FARS2: variants seen among roughly 807,000 people sequenced by gnomAD.
FARS2 encodes phenylalanyl-tRNA synthetase 2, mitochondrial, also known as phenylalanine--tRNA ligase, mitochondrial.
In FARS2, 40 loss-of-function variants were observed where a neutral mutation model predicts 46.4. The observed-to-expected ratio is 0.86, with a 90% CI of 0.67 to 1.12. The LOEUF is 1.12. FARS2 is among the 50% of genes most tolerant of loss of function. The probability of loss-of-function intolerance (pLI) is 0.00; values close to 1 mark genes in which losing one functional copy is unlikely to be tolerated. For synonymous variants in FARS2, 234 were observed against 214.9 expected (o/e 1.09, Z -0.78); for missense variants, 513 against 567.9 (o/e 0.90, Z 0.98).
chr6:5,428,850 C>A (rs1248808706), intron 3 of FARS2, among the ~76,000 whole-genome samples: 1 of 152,150 alleles, frequency 6.6e-6, no homozygotes, highest in East Asian at 1.9e-4. Context: ...TGCAACAAGA[C>A]CAGCTTTTTT....
intron 6 of FARS2, among the ~76,000 whole-genome samples, chr6:5,704,893 T>C (rs1758648958): frequency 6.6e-6 from 1 of 152,236 alleles, no homozygotes. Context: ...CATTTGTAAA[T>C]GCAGATGATA....
chr6:5,391,654 C>T (rs566883142), intron 2 of FARS2, among the ~76,000 whole-genome samples: 98 of 152,162 alleles, frequency 6.4e-4, no homozygotes, highest in African/African-American at 2.3e-3. Context: ...AATCTACTAT[C>T]ATCCAAGCCT....
chr6:5,766,546 T>C (rs946003354), intron 6 of FARS2, among the ~76,000 whole-genome samples: 1 of 152,252 alleles, frequency 6.6e-6, no homozygotes, highest in South Asian at 2.1e-4. Flanking sequence ...TAAAAGAAAT[T>C]ACTCTTCTCC....
At chr6:5,564,807 C>G (rs1051355732) in intron 5 of FARS2, among the ~76,000 whole-genome samples, 2 of 152,140 alleles carry the variant, frequency 1.3e-5, no homozygotes, top group African/African-American at 4.8e-5. Flanking sequence ...CTCGAGGTCC[C>G]AAGATAAACT....
chr6:5,671,542 C>T (rs1012734135), intron 6 of FARS2, among the ~76,000 whole-genome samples: 9 of 152,188 alleles, frequency 5.9e-5, no homozygotes, highest in African/African-American at 2.2e-4. Flanking sequence ...GATGGTGAGG[C>T]TCCCCCTTCT....
chr6:5,578,113 A>G (rs1400898275), intron 5 of FARS2, among the ~76,000 whole-genome samples: 1 of 152,104 alleles, frequency 6.6e-6, no homozygotes, highest in Non-Finnish European at 1.5e-5. Flanking sequence ...TCTCTTGCAA[A>G]TATTAATCTT....
intron 1 of FARS2, among the ~76,000 whole-genome samples, chr6:5,264,505 T>G (rs773439855): frequency 7.9e-5 from 12 of 151,716 alleles, no homozygotes; most frequent in South Asian, 2.1e-4. Flanking sequence ...CTTTTTTTTT[T>G]TTTTTGAGAC....
At chr6:5,647,110 A>G (rs1777118606) in intron 6 of FARS2, among the ~76,000 whole-genome samples, 2 of 152,226 alleles carry the variant, frequency 1.3e-5, no homozygotes, top group African/African-American at 4.8e-5. Context: ...TTCCTCACCA[A>G]CGGTAAAGGT....
chr6:5,439,445 T>C lies in FARS2; in HGVS notation c.904+8273T>C, dbSNP rs556678099. On this transcript the variant is annotated intron_variant, in intron 4 of 6. Coordinates refer to ENST00000274680, the MANE Select transcript of FARS2 (RefSeq NM_006567.5). ...GGGGCTCACCTTTGGGGCAAAATCATGTGAGAAGAAAACAAAGCAGGAACT... is the reference window on the plus strand; with the variant it reads ...GGGGCTCACCTTTGGGGCAAAATCACGTGAGAAGAAAACAAAGCAGGAACT... Among the ~76,000 whole-genome samples, 4 of 152,342 alleles carry C rather than the reference T, an allele frequency of 2.6e-5. No homozygotes were observed. In the East Asian group the frequency reaches 5.8e-4, roughly 22 times the overall value.
chr6:5,686,456 G>A (rs530885781), intron 6 of FARS2, among the ~76,000 whole-genome samples: 32 of 152,066 alleles, frequency 2.1e-4, no homozygotes, highest in African/African-American at 7.7e-4. Flanking sequence ...TGTGGTGTTC[G>A]GTTTTTTGTC....
intron 6 of FARS2, among the ~76,000 whole-genome samples, chr6:5,704,018 A>G (rs960924506): frequency 1.3e-5 from 2 of 152,184 alleles, no homozygotes; most frequent in African/African-American, 4.8e-5. Flanking sequence ...CTTTAGAAAC[A>G]TAATGCTGGG....
At chr6:5,670,315 C>A (rs1448724577) in intron 6 of FARS2, among the ~76,000 whole-genome samples, 1 of 152,162 alleles carries the variant, frequency 6.6e-6, no homozygotes, top group Non-Finnish European at 1.5e-5. Context: ...GCAGTACACC[C>A]CCTGATCATT....
At chr6:5,658,381 C>T (rs1453707118) in intron 6 of FARS2, among the ~76,000 whole-genome samples, 1 of 152,120 alleles carries the variant, frequency 6.6e-6, no homozygotes, top group Admixed American at 6.6e-5. Flanking sequence ...AGCATTAACA[C>T]ATAATCTTTC....
intron 6 of FARS2, among the ~76,000 whole-genome samples, chr6:5,670,560 A>G (rs1014916212): frequency 3.3e-5 from 5 of 152,236 alleles, no homozygotes; most frequent in African/African-American, 1.2e-4. Flanking sequence ...AGCAAATGAA[A>G]TGTAGAATAT....
rs146356199 is a variant in FARS2, at chr6:5,369,076, A to G, written c.506A>G (p.Asp169Gly). The change falls in exon 2 of 7, where the codon GAT (aspartate) becomes GGT (glycine). Residue 169 changes from aspartate (D) to glycine (G), a missense_variant. By Grantham distance (94) the Asp-to-Gly change is moderately conservative. Coordinates refer to ENST00000274680, the MANE Select transcript of FARS2 (RefSeq NM_006567.5). ...HQWDLLHAGLDAFLVVGDVYR... is the reference protein window; with the variant it reads ...HQWDLLHAGLGAFLVVGDVYR... ...TGGGACTTGCTGCACGCGGGACTGGATGCCTTCCTGGTGGTGGGTGATGTC... is the reference window on the plus strand; with the variant it reads ...TGGGACTTGCTGCACGCGGGACTGGGTGCCTTCCTGGTGGTGGGTGATGTC... The G allele has an allele frequency of 1.9e-6, 3 of 1,613,814 alleles. No individual in the cohort carries two copies. The highest frequency in any genetic ancestry group is 2.5e-6 in the Non-Finnish European group (3 of 1,179,988).
intron 3 of FARS2, among the ~76,000 whole-genome samples, chr6:5,422,297 T>C (rs1201962789): frequency 2.0e-5 from 3 of 152,166 alleles, no homozygotes; most frequent in Non-Finnish European, 4.4e-5. Context: ...AGATGAGATT[T>C]GGGTGGGGAC....
At chr6:5,348,736 A>C (rs796322531) in intron 1 of FARS2, among the ~76,000 whole-genome samples, 10 of 99,432 alleles carry the variant, frequency 1.0e-4, no homozygotes, top group African/African-American at 3.1e-4. Flanking sequence ...AAGAAAAATC[A>C]TATTATATCA....
In FARS2 at chr6:5,441,050, T is replaced by C. The variant is rs1429004317; in HGVS notation, c.904+9878T>C. 1.3e-5 allele frequency among the ~76,000 whole-genome samples: 2 copies of C among 152,066 alleles called. 1 individual carries two copies. Among genetic ancestry groups the C allele is most frequent in the East Asian group, 3.8e-4 (2 of 5,196 alleles). ...GATTCTCCTGCCTCAGCCTTCTGAG[T>C]AGCTGGGACTACAGGTGTGCGCCAC... On this transcript the variant is annotated intron_variant, in intron 4 of 6. Transcript: ENST00000274680.
At chr6:5,613,384 C>A in intron 6 of FARS2, 64 bp downstream of exon 6, 1 of 1,479,584 alleles carries the variant, frequency 6.8e-7, no homozygotes, top group Non-Finnish European at 9.2e-7. Flanking sequence ...CATGTGGAAG[C>A]ATATCATAAA....
Sources: allele counts gnomAD v4.1 joint callset (sites outside exome capture counted in the v4.1 genomes callset), GRCh38; gene constraint gnomAD v4.1.1; transcripts MANE v1.5; gene names NCBI Gene and HGNC (gene_info 2026-07-23, HGNC 2026-07-21).